Variants in SPAG17 observed in about 807,000 individuals in gnomAD.
The protein encoded by SPAG17 is sperm associated antigen 17, also known as sperm-associated antigen 17.
A neutral mutation model predicts 273.6 loss-of-function variants in SPAG17; 169 were observed. That is an observed-to-expected ratio of 0.62 (90% CI 0.55 to 0.70). The LOEUF (loss-of-function observed/expected upper bound fraction) is 0.70, where lower values mean the gene tolerates loss of function less well. Among genes scored for constraint, SPAG17 ranks in the 30% least tolerant of loss-of-function variants. The pLI is 0.00. For missense variants in SPAG17, 2,557 were observed against 2,627.8 expected, an observed-to-expected ratio of 0.97 and a Z score of 0.59; for synonymous variants, 825 against 873.2, an observed-to-expected ratio of 0.94 and a Z score of 0.97.
intron 1 of SPAG17, among the ~76,000 whole-genome samples, chr1:118,183,438 G>A (rs1327801755): frequency 6.6e-6 from 1 of 152,228 alleles, no homozygotes; most frequent in East Asian, 1.9e-4. Flanking sequence ...AGAAAAATGA[G>A]AGAGGAGGTG....
chr1:117,988,138 G>A lies in SPAG17; in HGVS notation c.5588C>T (p.Thr1863Ile), dbSNP rs752531506. The A allele has an allele frequency of 2.5e-6, 4 of 1,607,802 alleles. No homozygotes were observed. Among genetic ancestry groups the A allele is most frequent in the African/African-American group, 2.7e-5 (2 of 74,556 alleles). The change falls in exon 39 of 49, where the codon ACA (threonine) becomes ATA (isoleucine). Residue 1863 changes from threonine to isoleucine, a missense_variant. Coordinates refer to ENST00000336338, the MANE Select transcript of SPAG17 (RefSeq NM_206996.4). Reference sequence around the variant, plus strand: ...CTTTTCAAAGAAATCTTTACCAAATGTGTCTGGTGGGCATTTTGGAGGCGT... The same window carrying A: ...CTTTTCAAAGAAATCTTTACCAAATATGTCTGGTGGGCATTTTGGAGGCGT... Reference protein sequence around the residue: ...LATPPKCPPDTFGKDFFEKTW... With the variant: ...LATPPKCPPDIFGKDFFEKTW...
At chr1:117,978,961 T>A (rs10923453) in intron 43 of SPAG17, among the ~76,000 whole-genome samples, 15 of 151,472 alleles carry the variant, frequency 9.9e-5, no homozygotes, top group Non-Finnish European at 1.5e-4. Context: ...TCTACCTCCC[T>A]GGTTCAAGCG....
At chr1:118,175,574 CAAAAA>C (rs79880272) in intron 1 of SPAG17, among the ~76,000 whole-genome samples, 1 of 43,858 alleles carries the variant, frequency 2.3e-5, no homozygotes, top group Admixed American at 2.4e-4. Flanking sequence ...TTTCAAAGTA[CAAAAA>C]AAAAAAAAAA....
At chr1:117,954,845 G>A (rs945325490) in intron 48 of SPAG17, among the ~76,000 whole-genome samples, 15 of 152,006 alleles carry the variant, frequency 9.9e-5, no homozygotes, top group Non-Finnish European at 1.5e-4. Flanking sequence ...GGACTGGACT[G>A]GCATTCTTCT....
In SPAG17 at chr1:117,996,504, T is replaced by C. The variant is rs952487347; in HGVS notation, c.4923-4A>G. 6.2e-7 allele frequency: 1 copy of C among 1,608,766 alleles called. No individual in the cohort carries two copies. Among genetic ancestry groups the C allele is most frequent in the Non-Finnish European group, 8.5e-7 (1 of 1,178,324 alleles). On this transcript the variant is annotated splice_polypyrimidine_tract_variant and splice_region_variant and intron_variant, in intron 33 of 48. Transcript: ENST00000336338. ...ATCAGCATACATAACAAAAAACCTA[T>C]TTGAAGAAATAAAAATATAATCACT...
At position 118,025,984 on chromosome 1, in the gene SPAG17, A is replaced by G. The variant is rs144863561; in HGVS notation, c.3731-568T>C. On this transcript the variant is annotated intron_variant, in intron 26 of 48. Coordinates refer to ENST00000336338, the MANE Select transcript of SPAG17 (RefSeq NM_206996.4). ...AATAAAATCCAGGACAAATTGAGGC[A>G]AAATTATGAAGGAAGCCGAGTTTTG... Among the ~76,000 whole-genome samples the G allele has an allele frequency of 9.2e-3, 1,400 of 152,272 alleles. 12 individuals carry two copies. Among genetic ancestry groups the G allele is most frequent in the Middle Eastern group, 0.034 (10 of 294 alleles).
intron 4 of SPAG17, among the ~76,000 whole-genome samples, chr1:118,109,950 T>C (rs1656662445): frequency 6.6e-6 from 1 of 152,220 alleles, no homozygotes; most frequent in Admixed American, 6.5e-5. Flanking sequence ...TTGTATCTAA[T>C]ACACAGTGAT....
rs955598353 is a variant in SPAG17 at position 117,966,663 on chromosome 1, G to A, written c.6478C>T (p.His2160Tyr). ...DGAKGSAHIS[H>Y]NIEIMTEHEV... ...TGCTCTGTCATAATCTCGATATTGT[G>A]AGAGATGTGTGCTGATCCCTTGGCC... Residue 2160 changes from histidine to tyrosine, a missense_variant, in exon 47 of 49, where the codon CAC becomes TAC. Physicochemically the swap from His to Tyr is moderately conservative, Grantham distance 83. Transcript: ENST00000336338. The A allele has an allele frequency of 3.7e-6, 6 of 1,613,746 alleles. No homozygotes were observed. Among genetic ancestry groups the A allele is most frequent in the Non-Finnish European group, 4.2e-6 (5 of 1,179,874 alleles).
rs181298773 is a variant in SPAG17, at chr1:118,075,517, C to T, written c.2210-917G>A. ...GTAATTTGCTCTTGTTATTGTGAATCTCTAATTGAGAAATGGATAATGTAT... is the reference window on the plus strand; with the variant it reads ...GTAATTTGCTCTTGTTATTGTGAATTTCTAATTGAGAAATGGATAATGTAT... On this transcript the variant is annotated intron_variant, in intron 15 of 48. Coordinates refer to ENST00000336338, the MANE Select transcript of SPAG17 (RefSeq NM_206996.4). Among the ~76,000 whole-genome samples, 271 of 152,342 alleles carry T rather than the reference C, an allele frequency of 1.8e-3. 2 individuals are homozygous for T. The highest frequency in any genetic ancestry group is 6.4e-3 in the African/African-American group (266 of 41,578).
chr1:117,954,425 C>G (rs1459564743), intron 48 of SPAG17, among the ~76,000 whole-genome samples: 2 of 152,062 alleles, frequency 1.3e-5, no homozygotes, highest in African/African-American at 2.4e-5. Context: ...ACTATAGAAA[C>G]TAACAGGTTT....
At chr1:118,032,255 T>C (rs1267242544) in intron 24 of SPAG17, among the ~76,000 whole-genome samples, 1 of 152,150 alleles carries the variant, frequency 6.6e-6, no homozygotes, top group Non-Finnish European at 1.5e-5. Context: ...CAAAAGTCCT[T>C]ATAGCATCAA....
At chr1:118,020,180 G>T (rs539857944) in intron 28 of SPAG17, among the ~76,000 whole-genome samples, 58 of 152,240 alleles carry the variant, frequency 3.8e-4, no homozygotes, top group African/African-American at 1.3e-3. Context: ...GCACTCTGGG[G>T]GGCCAAGGCA....
At chr1:118,121,857 A>C (rs1442641015) in intron 3 of SPAG17, among the ~76,000 whole-genome samples, 1 of 152,254 alleles carries the variant, frequency 6.6e-6, no homozygotes, top group Admixed American at 6.5e-5. Context: ...GCTGATAAAA[A>C]GAGAAAAACA....
intron 19 of SPAG17, among the ~76,000 whole-genome samples, chr1:118,055,079 G>T (rs1283468176): frequency 6.6e-6 from 1 of 151,906 alleles, no homozygotes; most frequent in African/African-American, 2.4e-5. Flanking sequence ...TCTTTATCAA[G>T]TATCTTTCTA....
intron 1 of SPAG17, among the ~76,000 whole-genome samples, chr1:118,182,368 A>G (rs1660989851): frequency 6.6e-6 from 1 of 152,144 alleles, no homozygotes; most frequent in African/African-American, 2.4e-5. Flanking sequence ...ACTGTGGCCA[A>G]TAGAGCCTGC....
intron 3 of SPAG17, among the ~76,000 whole-genome samples, chr1:118,117,598 G>T (rs546411627): frequency 1.4e-4 from 22 of 152,314 alleles, no homozygotes; most frequent in African/African-American, 5.3e-4. Context: ...TCACCAGTTT[G>T]CCAGGCACAC....
chr1:118,115,028 G>C (rs1263151501), intron 4 of SPAG17, among the ~76,000 whole-genome samples: 1 of 151,970 alleles, frequency 6.6e-6, no homozygotes, highest in Non-Finnish European at 1.5e-5. Flanking sequence ...GTCCCTTCTT[G>C]GCTACAACTT....
chr1:118,040,701 A>G (rs753859693), intron 22 of SPAG17, 29 bp downstream of exon 22: 20 of 1,410,020 alleles, frequency 1.4e-5, no homozygotes, highest in Non-Finnish European at 1.8e-5. Context: ...TATGTTTCCA[A>G]TCATTAACCA....
intron 3 of SPAG17, 163 bp downstream of exon 3, chr1:118,150,380 A>C: frequency 2.4e-6 from 1 of 412,872 alleles, no homozygotes; most frequent in Non-Finnish European, 4.4e-6. Context: ...TTTTAAAAGG[A>C]GGCAGATTTT....
Sources: gnomAD v4.1 joint callset for allele counts (sites outside exome capture counted in the v4.1 genomes callset) on GRCh38, gnomAD v4.1.1 for gene constraint, MANE v1.5 for transcripts, NCBI Gene and HGNC (gene_info 2026-07-23, HGNC 2026-07-21) for gene names.